The following ARHGEF3 variants were observed in gnomAD, a reference collection of about 807,000 sequenced individuals.
The protein encoded by ARHGEF3 is 59.8 kDA protein.
Under a neutral mutation model 63.2 loss-of-function variants are expected in ARHGEF3, and 28 were observed. The ratio of observed to expected loss-of-function variants is 0.44; its 90% CI spans 0.33 to 0.61. The LOEUF is 0.61. ARHGEF3 is among the 20% of genes least tolerant of loss of function. The pLI, the probability that ARHGEF3 is intolerant of heterozygous loss-of-function variation, is 0.03. For missense variants in ARHGEF3, 533 were observed against 659.3 expected, an observed-to-expected ratio of 0.81 and a Z score of 2.10; for synonymous variants, 266 against 254.2, an observed-to-expected ratio of 1.05 and a Z score of -0.44.
At chr3:56,792,377 G>T (rs1295179242) in intron 1 of ARHGEF3, among the ~76,000 whole-genome samples, 1 of 152,176 alleles carries the variant, frequency 6.6e-6, no homozygotes, top group East Asian at 1.9e-4. Context: ...GTGAGTAATG[G>T]CTGCAAATGA....
intron 3 of ARHGEF3, among the ~76,000 whole-genome samples, chr3:56,941,503 C>T (rs1018181435): frequency 2.6e-5 from 4 of 152,196 alleles, no homozygotes; most frequent in African/African-American, 4.8e-5. Context: ...CCATGATGCC[C>T]GGCCCACAGA....
At chr3:56,813,778 C>T (rs2038159711) in intron 4 of ARHGEF3, among the ~76,000 whole-genome samples, 1 of 152,176 alleles carries the variant, frequency 6.6e-6, no homozygotes, top group Non-Finnish European at 1.5e-5. Flanking sequence ...TTGCCTCATG[C>T]CACTCTGAAA....
chr3:56,916,998 A>T (rs1373150098), intron 3 of ARHGEF3, among the ~76,000 whole-genome samples: 1 of 152,166 alleles, frequency 6.6e-6, no homozygotes, highest in Non-Finnish European at 1.5e-5. Flanking sequence ...AACTTTTGTC[A>T]TGGATAACAA....
rs1182594805 is a variant in ARHGEF3 at position 56,801,736 on chromosome 3, T to A, written c.63A>T (p.Leu21=). ...CCTTGGCCGGACCGCTGGCCGGGGGTAGCTCCAGGCTGCAGTTCGCTCTCT... is the reference window on the plus strand; with the variant it reads ...CCTTGGCCGGACCGCTGGCCGGGGGAAGCTCCAGGCTGCAGTTCGCTCTCT... ...TVKRANCSLE[L]PPASGPAKDA... Residue 21 remains leucine (L), a synonymous_variant, in exon 1 of 10, where the codon CTA becomes CTT. Coordinates refer to ENST00000296315, the MANE Select transcript of ARHGEF3 (RefSeq NM_019555.3). The A allele has an allele frequency of 1.3e-6, 2 of 1,567,354 alleles. No homozygotes were observed. The highest frequency in any genetic ancestry group is 2.7e-5 in the African/African-American group (2 of 74,022).
intron 4 of ARHGEF3, among the ~76,000 whole-genome samples, chr3:56,864,214 C>T (rs2040169576): frequency 6.6e-6 from 1 of 152,218 alleles, no homozygotes; most frequent in Non-Finnish European, 1.5e-5. Context: ...AGATGCAAAT[C>T]TTGGGCATAG....
In ARHGEF3 at chr3:57,016,387, C is replaced by CA. The variant is rs35905163; in HGVS notation, c.62+18700dup. Among the ~76,000 whole-genome samples the CA allele has an allele frequency of 2.3e-3, 340 of 147,714 alleles. 2 individuals carry two copies. The highest frequency in any genetic ancestry group is 6.9e-3 in the Middle Eastern group (2 of 288). ...TGAAACCCTGTCTCTACTAAAAATACAAAAAAAAAAAATTAGCTGGGCGTG... is the reference window on the plus strand; with the variant it reads ...TGAAACCCTGTCTCTACTAAAAATACAAAAAAAAAAAAATTAGCTGGGCGTG... On this transcript the variant is annotated intron_variant, in intron 2 of 12. Transcript: ENST00000338458.
At chr3:56,837,887 A>G (rs971728254) in intron 4 of ARHGEF3, among the ~76,000 whole-genome samples, 1 of 152,232 alleles carries the variant, frequency 6.6e-6, no homozygotes, top group Non-Finnish European at 1.5e-5. Context: ...AGCTTCCTCC[A>G]GCAGCCAGAA....
chr3:56,892,209 A>G (rs1187200568), intron 3 of ARHGEF3, among the ~76,000 whole-genome samples: 3 of 152,122 alleles, frequency 2.0e-5, no homozygotes, highest in Non-Finnish European at 4.4e-5. Flanking sequence ...AAACTCATCT[A>G]TCCAGGATAG....
intron 3 of ARHGEF3, among the ~76,000 whole-genome samples, chr3:56,921,482 A>G (rs1028945461): frequency 2.1e-5 from 3 of 139,786 alleles, no homozygotes; most frequent in African/African-American, 7.8e-5. Context: ...ACAGCAAGCC[A>G]GTGAGAAATA....
intron 2 of ARHGEF3, among the ~76,000 whole-genome samples, chr3:56,755,923 C>T (rs1469368094): frequency 6.6e-6 from 1 of 152,170 alleles, no homozygotes; most frequent in Non-Finnish European, 1.5e-5. Flanking sequence ...CCCACTGTGC[C>T]TGAAACCAGA....
chr3:57,049,693 G>C (rs569243122), intron 1 of ARHGEF3, among the ~76,000 whole-genome samples: 1 of 152,294 alleles, frequency 6.6e-6, no homozygotes, highest in South Asian at 2.1e-4. Context: ...CAAAAGCAAA[G>C]CCTGACAAGA....
intron 2 of ARHGEF3, among the ~76,000 whole-genome samples, chr3:56,963,860 A>G (rs997606842): frequency 6.6e-6 from 1 of 152,176 alleles, no homozygotes; most frequent in Non-Finnish European, 1.5e-5. Context: ...CCAGGTGAAG[A>G]CCCAATTCTT....
chr3:57,054,862 T>G (rs149890100), intron 1 of ARHGEF3, among the ~76,000 whole-genome samples: 5,367 of 151,260 alleles, frequency 0.035, 261 homozygotes, highest in African/African-American at 0.12. Flanking sequence ...TGTTGGCCAG[T>G]ATGATCTCAA....
intron 2 of ARHGEF3, among the ~76,000 whole-genome samples, chr3:56,758,536 G>A (rs142884811): frequency 1.2e-3 from 182 of 152,242 alleles, no homozygotes; most frequent in Non-Finnish European, 2.1e-3. Context: ...GAAGCAGGAC[G>A]CTCACTCTGC....
rs144277455 is a variant in ARHGEF3, at chr3:57,014,964, C to T, written c.62+20124G>A. On this transcript the variant is annotated intron_variant, in intron 2 of 12. Coordinates refer to the ARHGEF3 transcript ENST00000338458. ...CCTCCCAAAGTGCTGGGACTACAGGCGTGAGCCACTGTGCCCGGCCAAAGC... is the reference window on the plus strand; with the variant it reads ...CCTCCCAAAGTGCTGGGACTACAGGTGTGAGCCACTGTGCCCGGCCAAAGC... 2.0e-3 allele frequency among the ~76,000 whole-genome samples: 306 copies of T among 151,816 alleles called. 13 individuals are homozygous for T. The East Asian group carries it at 0.055, about 27-fold the overall frequency.
Position 56,749,653 on chromosome 3 carries a change from A to G in ARHGEF3, c.612+1403T>C, listed in dbSNP as rs900951746. On this transcript the variant is annotated intron_variant, in intron 6 of 9. Coordinates refer to ENST00000296315, the MANE Select transcript of ARHGEF3 (RefSeq NM_019555.3). ...AATTTCTTTGTGGGCTAAAGAAGTT[A>G]AAACATCTACGATGGCTCATAATAA... is the stretch of plus-strand genomic sequence containing the variant. Among the ~76,000 whole-genome samples, 16 of 152,250 alleles carry G rather than the reference A, an allele frequency of 1.1e-4. No individual in the cohort carries two copies. The East Asian group carries it at 3.1e-3, about 29-fold the overall frequency.
chr3:56,965,087 C>A (rs1306019876), intron 2 of ARHGEF3, among the ~76,000 whole-genome samples: 1 of 151,908 alleles, frequency 6.6e-6, no homozygotes, highest in Non-Finnish European at 1.5e-5. Flanking sequence ...ACCAACTCTA[C>A]AAAAAAAATT....
At chr3:56,908,400 G>A (rs183472548) in intron 3 of ARHGEF3, among the ~76,000 whole-genome samples, 7 of 152,240 alleles carry the variant, frequency 4.6e-5, no homozygotes, top group South Asian at 2.1e-4. Flanking sequence ...CCATCTCCGC[G>A]TCCGTATACA....
chr3:57,006,502 G>C (rs1448872261), intron 2 of ARHGEF3, among the ~76,000 whole-genome samples: 1 of 152,160 alleles, frequency 6.6e-6, no homozygotes, highest in Non-Finnish European at 1.5e-5. Context: ...TAGGAAAACA[G>C]CTCCCCAGAG....
Sources: allele counts gnomAD v4.1 joint callset (sites outside exome capture counted in the v4.1 genomes callset), GRCh38; gene constraint gnomAD v4.1.1; transcripts MANE v1.5; gene names NCBI Gene and HGNC (gene_info 2026-07-23, HGNC 2026-07-21).